Variants in OTUD7A observed in about 807,000 individuals in gnomAD.
The protein encoded by OTUD7A is OTU domain-containing protein 7A.
OTUD7A carries 12 observed loss-of-function variants against 65.7 expected under a neutral mutation model. That is an observed-to-expected ratio of 0.18 (90% CI 0.12 to 0.30). The LOEUF (loss-of-function observed/expected upper bound fraction) is 0.30, where lower values mean the gene tolerates loss of function less well. Ranked by LOEUF, OTUD7A falls within the 10% of genes least tolerant of loss-of-function variation. OTUD7A has a pLI of 1.00. For missense variants in OTUD7A, 1,148 were observed against 1,304.8 expected (o/e 0.88, Z 1.85); for synonymous variants, 641 against 586.3 (o/e 1.09, Z -1.35).
At chr15:31,508,488 T>A (rs1333876114) in intron 8 of OTUD7A, among the ~76,000 whole-genome samples, 1 of 152,274 alleles carries the variant, frequency 6.6e-6, no homozygotes, top group Non-Finnish European at 1.5e-5. Context: ...TAGCTGGGAC[T>A]ACAGGCGCCC....
intron 1 of OTUD7A, among the ~76,000 whole-genome samples, chr15:31,844,729 A>G (rs762784644): frequency 2.0e-5 from 3 of 152,218 alleles, no homozygotes; most frequent in Non-Finnish European, 2.9e-5. Context: ...AGAAAACATC[A>G]ATTACAAAAG....
chr15:31,752,174 A>C (rs957073680), intron 1 of OTUD7A, among the ~76,000 whole-genome samples: 9 of 152,324 alleles, frequency 5.9e-5, no homozygotes, highest in South Asian at 2.1e-4. Flanking sequence ...TCAAACAAGA[A>C]AGAAAAACAC....
intron 3 of OTUD7A, among the ~76,000 whole-genome samples, chr15:31,580,619 A>G (rs1889344311): frequency 6.6e-6 from 1 of 152,152 alleles, no homozygotes; most frequent in South Asian, 2.1e-4. Flanking sequence ...AGGCCTGACA[A>G]TCATGGTGGA....
At chr15:31,818,858 T>C (rs1896613712) in intron 1 of OTUD7A, among the ~76,000 whole-genome samples, 1 of 152,360 alleles carries the variant, frequency 6.6e-6, no homozygotes, top group South Asian at 2.1e-4. Context: ...AGTCCTGGTA[T>C]CATGGGATGG....
At chr15:31,618,704 A>T (rs888420930) in intron 3 of OTUD7A, among the ~76,000 whole-genome samples, 4 of 152,028 alleles carry the variant, frequency 2.6e-5, no homozygotes, top group African/African-American at 9.7e-5. Flanking sequence ...AATTGCAAAA[A>T]TTTTCTCCCA....
chr15:31,801,053 C>CAAA (rs772401103), intron 1 of OTUD7A, among the ~76,000 whole-genome samples: 6 of 91,328 alleles, frequency 6.6e-5, no homozygotes, highest in Admixed American at 1.1e-4. Context: ...CCAGCAGCCT[C>CAAA]AAAAAAAAAA....
intron 5 of OTUD7A, among the ~76,000 whole-genome samples, chr15:31,535,212 T>C (rs1170009273): frequency 2.0e-5 from 3 of 152,174 alleles, no homozygotes; most frequent in Non-Finnish European, 4.4e-5. Context: ...TGGTAGGTGA[T>C]TAGATCATGG....
At chr15:31,641,104 A>T (rs1891501609) in intron 3 of OTUD7A, among the ~76,000 whole-genome samples, 1 of 152,144 alleles carries the variant, frequency 6.6e-6, no homozygotes, top group Non-Finnish European at 1.5e-5. Flanking sequence ...TCATTGGATC[A>T]TGGGGGCAGT....
chr15:31,487,641 C>CTTTTTTTTTTTA lies in OTUD7A; in HGVS notation c.1172-76_1172-75insTAAAAAAAAAAA. 8.1e-7 allele frequency: 1 copy of CTTTTTTTTTTTA among 1,228,102 alleles called. No homozygotes were observed. Among genetic ancestry groups the CTTTTTTTTTTTA allele is most frequent in the Non-Finnish European group, 1.1e-6 (1 of 872,844 alleles). The allele number at this position is 1,228,102 out of a possible 1,614,324, so 76.1% of individuals were successfully genotyped here. On this transcript the variant is annotated intron_variant, in intron 10 of 12. Transcript: ENST00000307050. This position sits in a 1 kb window ranked among gnomAD's most constrained non-coding sequence, Gnocchi z 6.0. ...CAGGATGGCAAGGAAATTCCCAAGC[C>CTTTTTTTTTTTA]AGGTATCTGGGTGACAAATGCACCG... is the stretch of plus-strand genomic sequence containing the variant.
chr15:31,653,570 A>G (rs1315889766), intron 3 of OTUD7A, among the ~76,000 whole-genome samples: 1 of 150,508 alleles, frequency 6.6e-6, no homozygotes, highest in African/African-American at 2.4e-5. Flanking sequence ...CTAGTGATAG[A>G]AAACAGAGCA....
Position 31,478,140 on chromosome 15 carries a change from CT to C in OTUD7A, c.*5153del, listed in dbSNP as rs2041052645. Reference sequence around the variant, plus strand: ...GAAGAAGTACTGGGATGGGAGAGGCCTTTGTAAGGACCTGGCTTTTCCTCTG... The same window carrying C: ...GAAGAAGTACTGGGATGGGAGAGGCCTTGTAAGGACCTGGCTTTTCCTCTG... On this transcript the variant is annotated 3_prime_UTR_variant, in exon 13 of 13. Coordinates refer to ENST00000307050, the MANE Select transcript of OTUD7A (RefSeq NM_001382637.1). The C allele has an allele frequency of 6.6e-6, 1 of 152,194 alleles. No homozygotes were observed. The highest frequency in any genetic ancestry group is 2.1e-4 in the South Asian group (1 of 4,836). The allele number at this position is 152,194 out of a possible 1,614,324, so 9.4% of individuals were successfully genotyped here. A position where few individuals can be genotyped will look rare whatever the true frequency, so the allele number is the denominator to read the frequency against.
chr15:31,567,110 C>G (rs1156845181), intron 4 of OTUD7A, among the ~76,000 whole-genome samples: 1 of 152,134 alleles, frequency 6.6e-6, no homozygotes, highest in Non-Finnish European at 1.5e-5. Context: ...CAGAAGAAGA[C>G]AGCAAGTGAG....
intron 8 of OTUD7A, among the ~76,000 whole-genome samples, chr15:31,505,266 T>A (rs1042803464): frequency 2.6e-5 from 4 of 152,194 alleles, no homozygotes; most frequent in African/African-American, 9.6e-5. Context: ...AAGGAAGGAA[T>A]GTTGAGAAAG....
intron 1 of OTUD7A, among the ~76,000 whole-genome samples, chr15:31,829,514 G>C (rs1896880381): frequency 6.6e-6 from 1 of 152,174 alleles, no homozygotes; most frequent in East Asian, 1.9e-4. Flanking sequence ...ACTAGACATT[G>C]GGTTGTTCCA....
chr15:31,578,817 C>T (rs892339653), intron 3 of OTUD7A, among the ~76,000 whole-genome samples: 3 of 152,192 alleles, frequency 2.0e-5, no homozygotes, highest in African/African-American at 7.2e-5. Context: ...TCCCAAAGCA[C>T]TGGGATTACA....
chr15:31,746,363 C>T (rs1894476438), intron 1 of OTUD7A, among the ~76,000 whole-genome samples: 1 of 152,084 alleles, frequency 6.6e-6, no homozygotes, highest in African/African-American at 2.4e-5. Context: ...CATACACACA[C>T]ATATGTATAC....
intron 10 of OTUD7A, among the ~76,000 whole-genome samples, chr15:31,496,794 G>A (rs557038368): frequency 1.4e-3 from 218 of 152,270 alleles, no homozygotes; most frequent in Non-Finnish European, 2.6e-3. Context: ...TCCATGGCCC[G>A]GTGGGTAGAA....
chr15:31,826,751 C>T, intron 1 of OTUD7A, among the ~76,000 whole-genome samples: 1 of 152,228 alleles, frequency 6.6e-6, no homozygotes, highest in East Asian at 1.9e-4. Flanking sequence ...TAATTCACCG[C>T]TTGAATGCTT....
chr15:31,781,084 C>T (rs1463422394), intron 1 of OTUD7A, among the ~76,000 whole-genome samples: 1 of 152,148 alleles, frequency 6.6e-6, no homozygotes, highest in Non-Finnish European at 1.5e-5. Flanking sequence ...ACAATGTGAC[C>T]TTTTCAGCCC....
Sources: gnomAD v4.1 joint callset for allele counts (sites outside exome capture counted in the v4.1 genomes callset) on GRCh38, gnomAD v4.1.1 for gene constraint, Gnocchi (gnomAD v3.1) non-coding constraint, MANE v1.5 for transcripts, NCBI Gene and HGNC (gene_info 2026-07-23, HGNC 2026-07-21) for gene names.